CAMK4: variants seen among roughly 807,000 people sequenced by gnomAD.
CAMK4 encodes calcium/calmodulin dependent protein kinase IV.
Under a neutral mutation model 44.9 loss-of-function variants are expected in CAMK4, and 22 were observed. The observed-to-expected ratio is 0.49, with a 90% CI of 0.35 to 0.70. The LOEUF (loss-of-function observed/expected upper bound fraction) is 0.70, where lower values mean the gene tolerates loss of function less well. CAMK4 is among the 30% of genes least tolerant of loss of function. The pLI, the probability that CAMK4 is intolerant of heterozygous loss-of-function variation, is 0.01. For missense variants in CAMK4, 498 were observed against 586.8 expected (o/e 0.85, Z 1.56); for synonymous variants, 218 against 215.4 (o/e 1.01, Z -0.11).
intron 1 of CAMK4, among the ~76,000 whole-genome samples, chr5:111,242,221 A>G (rs931277087): frequency 6.6e-6 from 1 of 152,062 alleles, no homozygotes; most frequent in Admixed American, 6.5e-5. Flanking sequence ...CCCTTCCCCT[A>G]ATAAGACATA....
At chr5:111,374,986 G>A (rs898766803) in intron 3 of CAMK4, 74 bp downstream of exon 3, 2 of 925,640 alleles carry the variant, frequency 2.2e-6, no homozygotes, top group Admixed American at 2.1e-5. Context: ...TTCACTGTCA[G>A]TGCTGATAAT....
intron 5 of CAMK4, among the ~76,000 whole-genome samples, chr5:111,437,341 G>T (rs920334618): frequency 6.6e-6 from 1 of 152,180 alleles, no homozygotes; most frequent in Non-Finnish European, 1.5e-5. Flanking sequence ...ATAAGTTTGT[G>T]ATTTAAAAAG....
chr5:111,452,817 T>C (rs1051295416), intron 7 of CAMK4, among the ~76,000 whole-genome samples: 1 of 152,130 alleles, frequency 6.6e-6, no homozygotes. Context: ...ATAATTCTAC[T>C]ATAGGTAGTG....
chr5:111,224,691 G>GT lies in CAMK4; in HGVS notation c.161+49dup. 1 of 1,562,408 alleles carries GT rather than the reference G, an allele frequency of 6.4e-7. No individual in the cohort carries two copies. Among genetic ancestry groups the GT allele is most frequent in the Non-Finnish European group, 8.7e-7 (1 of 1,151,560 alleles). On this transcript the variant is annotated intron_variant, in intron 1 of 10. Transcript: ENST00000282356. The surrounding 1 kb of genome is among the most constrained non-coding windows in gnomAD (Gnocchi z 5.7). ...GGGAAGCCCGCGGCGTGCACTGGGG[G>GT]TTGTCCCTCTCGCAGCGACGGCTCG...
Position 111,484,348 on chromosome 5 carries a change from G to C in CAMK4, c.1304G>C (p.Gly435Ala). The C allele has an allele frequency of 6.2e-7, 1 of 1,612,880 alleles. No individual in the cohort carries two copies. Among genetic ancestry groups the C allele is most frequent in the South Asian group, 1.1e-5 (1 of 90,892 alleles). ...IKVADLELEE[G>A]LAEEKLKTVE... ...GTGGCTGACCTGGAACTAGAGGAGG[G>C]CCTAGCAGAGGAGAAGCTGAAGACT... The change falls in exon 11 of 11, where the codon GGC (glycine) becomes GCC (alanine). Residue 435 changes from glycine to alanine, a missense_variant. Gly to Ala is a moderately conservative substitution (Grantham distance 60). Coordinates refer to ENST00000282356, the MANE Select transcript of CAMK4 (RefSeq NM_001744.6). This position sits in a 1 kb window ranked among gnomAD's most constrained non-coding sequence, Gnocchi z 5.3.
intron 5 of CAMK4, among the ~76,000 whole-genome samples, chr5:111,431,940 A>G (rs1753459190): frequency 6.6e-6 from 1 of 152,104 alleles, no homozygotes; most frequent in Admixed American, 6.5e-5. Context: ...ATCACCATAA[A>G]GAACAGGTTC....
intron 2 of CAMK4, among the ~76,000 whole-genome samples, chr5:111,352,612 C>A (rs1320920163): frequency 1.6e-5 from 2 of 123,248 alleles, no homozygotes; most frequent in Admixed American, 2.0e-4. Context: ...GGGGCTTCTT[C>A]CTGTGTCAAC....
intron 9 of CAMK4, among the ~76,000 whole-genome samples, chr5:111,480,505 T>G (rs1755399981): frequency 6.6e-6 from 1 of 152,172 alleles, no homozygotes; most frequent in African/African-American, 2.4e-5. Context: ...ACAAAGCGTG[T>G]GTACCCAGAC....
intron 4 of CAMK4, among the ~76,000 whole-genome samples, chr5:111,391,898 A>T (rs1458629998): frequency 1.3e-5 from 2 of 152,208 alleles, no homozygotes; most frequent in East Asian, 1.9e-4. Context: ...TCAGGTTGTC[A>T]TCAGATTTTT....
intron 5 of CAMK4, among the ~76,000 whole-genome samples, chr5:111,428,027 T>A (rs962985379): frequency 6.6e-6 from 1 of 152,222 alleles, no homozygotes; most frequent in Non-Finnish European, 1.5e-5. Flanking sequence ...CAGATGTAGG[T>A]GGCTCAGAAC....
rs1351334942 is a variant in CAMK4, at chr5:111,259,799, G to T, written c.161+35155G>T. On this transcript the variant is annotated intron_variant, in intron 1 of 10. Coordinates refer to ENST00000282356, the MANE Select transcript of CAMK4 (RefSeq NM_001744.6). Reference sequence around the variant, plus strand: ...GATTTCCTGTGACTCATTTAAGAGTGAATTCCTGTAGGGTGTGAAAGTGGA... The same window carrying T: ...GATTTCCTGTGACTCATTTAAGAGTTAATTCCTGTAGGGTGTGAAAGTGGA... Among the ~76,000 whole-genome samples the T allele has an allele frequency of 2.6e-5, 4 of 152,138 alleles. No homozygotes were observed. In the East Asian group the frequency reaches 7.7e-4, roughly 29 times the overall value.
intron 5 of CAMK4, among the ~76,000 whole-genome samples, chr5:111,396,872 C>G (rs1246306671): frequency 1.3e-5 from 2 of 151,920 alleles, no homozygotes; most frequent in Non-Finnish European, 2.9e-5. Flanking sequence ...AACTCCTGAC[C>G]TCAGGAAATC....
rs76527244 is a variant in CAMK4, at chr5:111,424,118, C to A, written c.460-22568C>A. Among the ~76,000 whole-genome samples the A allele has an allele frequency of 9.8e-4, 149 of 152,268 alleles. 3 individuals carry two copies. The East Asian group carries it at 0.027, about 27-fold the overall frequency. On this transcript the variant is annotated intron_variant, in intron 5 of 10. Coordinates refer to ENST00000282356, the MANE Select transcript of CAMK4 (RefSeq NM_001744.6). ...TGCCCTGCTATAGACTATATTGGGC[C>A]AAAATCTAGAGACACAAATGAGCAG...
chr5:111,396,316 A>T (rs1752004785), intron 5 of CAMK4, among the ~76,000 whole-genome samples: 1 of 152,144 alleles, frequency 6.6e-6, no homozygotes, highest in Admixed American at 6.5e-5. Context: ...TAAAACCTGG[A>T]GAGGATGCCA....
intron 4 of CAMK4, among the ~76,000 whole-genome samples, chr5:111,377,279 T>C (rs538216793): frequency 2.0e-5 from 3 of 152,082 alleles, no homozygotes; most frequent in Non-Finnish European, 4.4e-5. Flanking sequence ...TAAGAAAATA[T>C]TTGAAATATT....
intron 4 of CAMK4, among the ~76,000 whole-genome samples, chr5:111,383,835 T>C (rs1935480823): frequency 6.6e-6 from 1 of 152,108 alleles, no homozygotes; most frequent in Non-Finnish European, 1.5e-5. Flanking sequence ...GAATGTTCCT[T>C]TGATACACAC....
intron 2 of CAMK4, among the ~76,000 whole-genome samples, chr5:111,349,241 A>G: frequency 6.6e-6 from 1 of 151,908 alleles, no homozygotes; most frequent in Middle Eastern, 3.2e-3. Context: ...ATTATCTTGT[A>G]TATATTGTCT....
rs1458068214 is a variant in CAMK4, at chr5:111,416,727, T to C, written c.459+21945T>C. On this transcript the variant is annotated intron_variant, in intron 5 of 10. Transcript: ENST00000282356. ...CACATAGAAGGCATTCAAAAACCAT[T>C]AACTACTGCTATATGCAAAAAACTT... Among the ~76,000 whole-genome samples, 6 of 152,332 alleles carry C rather than the reference T, an allele frequency of 3.9e-5. No homozygotes were observed. The East Asian group carries it at 1.2e-3, about 29-fold the overall frequency.
intron 5 of CAMK4, among the ~76,000 whole-genome samples, chr5:111,400,083 T>A (rs1157292935): frequency 6.6e-6 from 1 of 152,070 alleles, no homozygotes; most frequent in Non-Finnish European, 1.5e-5. Context: ...AAAGATAAAT[T>A]AATTAACGTA....
Sources: gnomAD v4.1 joint callset for allele counts (sites outside exome capture counted in the v4.1 genomes callset) on GRCh38, gnomAD v4.1.1 for gene constraint, Gnocchi (gnomAD v3.1) non-coding constraint, MANE v1.5 for transcripts, NCBI Gene and HGNC (gene_info 2026-07-23, HGNC 2026-07-21) for gene names.